AMOTL2: variants seen among roughly 807,000 people sequenced by gnomAD.
AMOTL2 encodes angiomotin like 2.
A neutral mutation model predicts 78.4 loss-of-function variants in AMOTL2; 33 were observed. The observed-to-expected ratio is 0.42, with a 90% CI of 0.32 to 0.56. The LOEUF is 0.56. AMOTL2 is among the 20% of genes least tolerant of loss of function. The pLI is 0.12. For synonymous variants in AMOTL2, 422 were observed against 428.8 expected, an observed-to-expected ratio of 0.98 and a Z score of 0.20; for missense variants, 983 against 1,030.1, an observed-to-expected ratio of 0.95 and a Z score of 0.63.
chr3:134,367,442 T>C, intron 3 of AMOTL2, 55 bp downstream of exon 3: 1 of 1,581,536 alleles, frequency 6.3e-7, no homozygotes, highest in South Asian at 1.1e-5. Flanking sequence ...ACTCCCCAGG[T>C]AGCCCCTCGG....
chr3:134,371,026 G>C lies in AMOTL2; in HGVS notation c.408C>G (p.Ala136=). The C allele has an allele frequency of 6.2e-7, 1 of 1,605,268 alleles. No homozygotes were observed. ...PHAGDRDPRG[A]PGGSRRQDEA... is the part of the protein sequence containing the mutation. ...CGTCCTGCCTCCGACTGCCTCCCGG[G>C]GCCCCACGGGGATCTCGGTCCCCCG... Residue 136 remains alanine (A), a synonymous_variant, in exon 2 of 10, where the codon GCC becomes GCG. Coordinates refer to ENST00000249883, the MANE Select transcript of AMOTL2 (RefSeq NM_016201.4).
chr3:134,367,808 G>A lies in AMOTL2; in HGVS notation c.735-5C>T, dbSNP rs1004641332. The A allele has an allele frequency of 3.1e-6, 5 of 1,612,930 alleles. No homozygotes were observed. The African/African-American group carries it at 4.0e-5, about 13-fold the overall frequency. On this transcript the variant is annotated splice_region_variant and splice_polypyrimidine_tract_variant and intron_variant, in intron 2 of 9. Transcript: ENST00000249883. ...GGCACCTGGGCCTGCAGGATCCTGG[G>A]GAACAGAAGAGACGGTGCTCAGAGA... is the stretch of plus-strand genomic sequence containing the variant.
rs530009591 is a variant in AMOTL2 at position 134,356,667 on chromosome 3, C to G, written c.*1038G>C. ...AGACACTTATGCTAACAAGACATCTCCAGTTTCTCAGAAAGAACTGGTACC... is the reference window on the plus strand; with the variant it reads ...AGACACTTATGCTAACAAGACATCTGCAGTTTCTCAGAAAGAACTGGTACC... On this transcript the variant is annotated 3_prime_UTR_variant, in exon 10 of 10. Coordinates refer to ENST00000249883, the MANE Select transcript of AMOTL2 (RefSeq NM_016201.4). 6.6e-6 allele frequency: 1 copy of G among 152,632 alleles called. No homozygotes were observed. Among genetic ancestry groups the G allele is most frequent in the African/African-American group, 2.4e-5 (1 of 41,440 alleles). The allele number at this position is 152,632 out of a possible 1,614,324, so 9.5% of individuals were successfully genotyped here. A position where few individuals can be genotyped will look rare whatever the true frequency, so the allele number is the denominator to read the frequency against.
At chr3:134,372,119 CTCTAGACTGAGGCATCCCAG>C (rs2017890371) in intron 1 of AMOTL2, among the ~76,000 whole-genome samples, 1 of 152,154 alleles carries the variant, frequency 6.6e-6, no homozygotes, top group Non-Finnish European at 1.5e-5. Context: ...ACCTACCACC[CTCTAGACTGAGGCATCCCAG>C]AGCCTTGGCA....
At position 134,365,797 on chromosome 3, in the gene AMOTL2, T is replaced by C; in HGVS notation, c.1279+20A>G. On this transcript the variant is annotated intron_variant, in intron 5 of 9. Transcript: ENST00000249883. ...ATTGCCTGCACACAGGCCAGGCTTC[T>C]TAGTGGGGCCCCTACTCACTCTGAG... The C allele has an allele frequency of 1.2e-6, 2 of 1,611,152 alleles. No individual in the cohort carries two copies. Among genetic ancestry groups the C allele is most frequent in the Non-Finnish European group, 1.7e-6 (2 of 1,178,074 alleles).
chr3:134,370,912 G>T lies in AMOTL2; in HGVS notation c.522C>A (p.Ala174=). 6.2e-7 allele frequency: 1 copy of T among 1,612,272 alleles called. No individual in the cohort carries two copies. Among genetic ancestry groups the T allele is most frequent in the Non-Finnish European group, 8.5e-7 (1 of 1,179,408 alleles). The change falls in exon 2 of 10, where the codon GCC becomes GCA. Residue 174 remains alanine (A), a synonymous_variant. Transcript: ENST00000249883. ...QLSLERNGAR[A]PSHMSSSHSF... The stretch of plus-strand genomic sequence containing the variant: ...TGTGGGAGGAGCTCATGTGGCTGGG[G>T]GCCCGGGCGCCGTTCCTCTCCAGGG...
chr3:134,374,207 C>G (rs916106108), intron 1 of AMOTL2, 135 bp downstream of exon 1: 81 of 980,742 alleles, frequency 8.3e-5, no homozygotes, highest in Non-Finnish European at 8.8e-5. Flanking sequence ...AAAGGGCGCA[C>G]TGCGCCCCGA....
intron 5 of AMOTL2, 82 bp from the exon 6 acceptor site, chr3:134,361,889 G>T: frequency 8.4e-7 from 1 of 1,196,650 alleles, no homozygotes. Context: ...GCTGACCACT[G>T]GATGAGCACA....
chr3:134,358,423 A>G (rs1576571961), intron 9 of AMOTL2, 117 bp downstream of exon 9: 3 of 1,266,906 alleles, frequency 2.4e-6, no homozygotes, highest in Non-Finnish European at 3.2e-6. Context: ...ACGGCTCCCC[A>G]TGGAGTGCGG....
chr3:134,375,131 G>T (rs2018040592), upstream of AMOTL2: 7 of 1,526,284 alleles, frequency 4.6e-6, no homozygotes, highest in South Asian at 4.8e-5. Flanking sequence ...TTTTACGACC[G>T]TCTCGACAGG....
At chr3:134,364,801 C>T (rs1017895197) in intron 5 of AMOTL2, among the ~76,000 whole-genome samples, 2 of 152,138 alleles carry the variant, frequency 1.3e-5, no homozygotes, top group Admixed American at 6.5e-5. Context: ...CCTGTGAAGA[C>T]TCAAAGCCAT....
chr3:134,374,591 T>C, upstream of AMOTL2: 1 of 985,516 alleles, frequency 1.0e-6, no homozygotes, highest in Non-Finnish European at 1.2e-6. Context: ...TCCTCCGCCC[T>C]CCGCCTTCTC....
upstream of AMOTL2, chr3:134,374,993 G>T: frequency 1.4e-6 from 2 of 1,423,610 alleles, no homozygotes; most frequent in South Asian, 3.0e-5. Flanking sequence ...TATCCTCTGG[G>T]CTGGGACAGT....
Position 134,365,880 on chromosome 3 carries a change from C to G in AMOTL2, c.1216G>C (p.Ala406Pro). The part of the protein sequence containing the change: ...ERLESANRRL[A>P]SKTQEAQAGS... The stretch of plus-strand genomic sequence containing the variant: ...GCCTGGGCCTCCTGTGTCTTGCTTG[C>G]CAGGCGGCGATTTGCAGATTCCAAT... Residue 406 changes from alanine (A) to proline (P), a missense_variant, in exon 5 of 10, where the codon GCA becomes CCA. By Grantham distance (27) the Ala-to-Pro change is conservative. Transcript: ENST00000249883. 2 of 1,614,206 alleles carry G rather than the reference C, an allele frequency of 1.2e-6. No individual in the cohort carries two copies. Among genetic ancestry groups the G allele is most frequent in the Non-Finnish European group, 1.7e-6 (2 of 1,180,036 alleles).
Position 134,357,521 on chromosome 3 carries a change from C to A in AMOTL2, c.*184G>T. ...AGAGTCTTCTGGGGGTGCCGGTGCT[C>A]TCACAGCTCTCCTCTCCCCTGGGGT... is the stretch of plus-strand genomic sequence containing the variant. On this transcript the variant is annotated 3_prime_UTR_variant, in exon 10 of 10. Transcript: ENST00000249883. The A allele has an allele frequency of 1.6e-6, 1 of 644,732 alleles. No homozygotes were observed. Among genetic ancestry groups the A allele is most frequent in the Non-Finnish European group, 2.8e-6 (1 of 357,850 alleles). 39.9% of individuals were successfully genotyped at this position (644,732 alleles called of 1,614,324 possible).
At chr3:134,370,165 A>T (rs1254825643) in intron 2 of AMOTL2, among the ~76,000 whole-genome samples, 1 of 152,208 alleles carries the variant, frequency 6.6e-6, no homozygotes. Context: ...ATGGCAGGAA[A>T]TGAAGAGGAG....
At position 134,367,612 on chromosome 3, in the gene AMOTL2, G is replaced by T. The variant is rs1304564308; in HGVS notation, c.926C>A (p.Ala309Asp). Residue 309 changes from alanine to aspartate, a missense_variant, in exon 3 of 10, where the codon GCC (alanine) becomes GAC (aspartate). Physicochemically the swap from Ala to Asp is moderately radical, Grantham distance 126. Coordinates refer to ENST00000249883, the MANE Select transcript of AMOTL2 (RefSeq NM_016201.4). ...AQASSATSGS[A>D]HLAQMEAVLR... ...CACGGCCTCCATCTGGGCCAGGTGG[G>T]CACTGCCCGAGGTGGCTGAGGAGGC... 3 of 1,613,376 alleles carry T rather than the reference G, an allele frequency of 1.9e-6. No homozygotes were observed. The African/African-American group carries it at 4.0e-5, about 22-fold the overall frequency.
intron 9 of AMOTL2, 23 bp downstream of exon 9, chr3:134,358,517 G>A: frequency 1.2e-6 from 2 of 1,606,332 alleles, no homozygotes; most frequent in Non-Finnish European, 1.7e-6. Context: ...ACCTAGCACA[G>A]AAGTGGGGTC....
intron 2 of AMOTL2, among the ~76,000 whole-genome samples, chr3:134,369,208 G>A (rs1053014625): frequency 2.0e-5 from 3 of 152,202 alleles, no homozygotes; most frequent in Non-Finnish European, 4.4e-5. Context: ...GCTGGGAAGA[G>A]GGTCCCCACT....
Sources: gnomAD v4.1 joint callset for allele counts (sites outside exome capture counted in the v4.1 genomes callset) on GRCh38, gnomAD v4.1.1 for gene constraint, MANE v1.5 for transcripts, NCBI Gene and HGNC (gene_info 2026-07-23, HGNC 2026-07-21) for gene names.